Variants in MAP3K4 observed in about 807,000 individuals in gnomAD.
MAP3K4 encodes mitogen-activated protein kinase kinase kinase 4, also known as MAP three kinase 1.
In MAP3K4, 67 loss-of-function variants were observed where a neutral mutation model predicts 185.6. The observed-to-expected ratio is 0.36, with a 90% CI of 0.30 to 0.44. The LOEUF (loss-of-function observed/expected upper bound fraction) is 0.44. MAP3K4 is among the 20% of genes least tolerant of loss of function. The probability of loss-of-function intolerance (pLI) is 1.00; values close to 1 mark genes in which losing one functional copy is unlikely to be tolerated. For synonymous variants in MAP3K4, 702 were observed against 710.4 expected (o/e 0.99, Z 0.19); for missense variants, 1,551 against 1,995.1 (o/e 0.78, Z 4.24).
intron 7 of MAP3K4, among the ~76,000 whole-genome samples, chr6:161,085,751 C>T (rs1785678744): frequency 6.6e-6 from 1 of 152,130 alleles, no homozygotes; most frequent in African/African-American, 2.4e-5. Context: ...TAACCCCAAG[C>T]ATGTAGATTC....
chr6:161,050,009 A>G, intron 3 of MAP3K4, 30 bp downstream of exon 3: 1 of 1,547,124 alleles, frequency 6.5e-7, no homozygotes. Flanking sequence ...TAATACAATG[A>G]TATCCTTAGT....
rs34643348 is a variant in MAP3K4, at chr6:161,076,934, G to A, written c.2097+3322G>A. ...GTAGAACCATGTGAACAAGACTACA[G>A]CTGAGAAAAATGCCCTCAGGAAAGG... On this transcript the variant is annotated intron_variant, in intron 5 of 26. Coordinates refer to ENST00000392142, the MANE Select transcript of MAP3K4 (RefSeq NM_005922.4). The surrounding 1 kb of genome is among the most constrained non-coding windows in gnomAD (Gnocchi z 4.2). Among the ~76,000 whole-genome samples, 2,481 of 152,314 alleles carry A rather than the reference G, an allele frequency of 0.016. 26 individuals carry two copies. Among genetic ancestry groups the A allele is most frequent in the Non-Finnish European group, 0.025 (1,721 of 68,026 alleles).
At position 161,079,967 on chromosome 6, in the gene MAP3K4, G is replaced by A. The variant is rs1785369723; in HGVS notation, c.2098-914G>A. Among the ~76,000 whole-genome samples the A allele has an allele frequency of 2.6e-5, 4 of 152,286 alleles. No individual in the cohort carries two copies. In the South Asian group the frequency reaches 8.3e-4, roughly 32 times the overall value. On this transcript the variant is annotated intron_variant, in intron 5 of 26. Transcript: ENST00000392142. ...GCCTGGTGAAAACACTGAAACCTAG[G>A]ATAGAGAAAGGAATCCTGTAAACAT... is the stretch of plus-strand genomic sequence containing the variant.
chr6:161,059,068 G>A (rs1047183104), intron 3 of MAP3K4, among the ~76,000 whole-genome samples: 16 of 152,040 alleles, frequency 1.1e-4, no homozygotes, highest in African/African-American at 3.9e-4. Flanking sequence ...ACTTAAAACA[G>A]TGCAGGAGAA....
At chr6:161,111,797 T>C (rs1455826634) in intron 23 of MAP3K4, 39 bp from the exon 24 acceptor site, 1 of 1,601,972 alleles carries the variant, frequency 6.2e-7, no homozygotes, top group Admixed American at 1.7e-5. Context: ...CCACATTGTG[T>C]TTCAGAGGCT....
Position 161,074,909 on chromosome 6 carries a change from C to T in MAP3K4, c.2097+1297C>T, listed in dbSNP as rs1293695295. Among the ~76,000 whole-genome samples the T allele has an allele frequency of 6.6e-6, 1 of 152,168 alleles. No homozygotes were observed. The highest frequency in any genetic ancestry group is 2.4e-5 in the African/African-American group (1 of 41,442). ...GCAATAGGAGCTCTCCTGGCAACCC[C>T]ACCCAGCACATTTCCCCTGCCTTTT... On this transcript the variant is annotated intron_variant, in intron 5 of 26. Coordinates refer to ENST00000392142, the MANE Select transcript of MAP3K4 (RefSeq NM_005922.4). This position sits in a 1 kb window ranked among gnomAD's most constrained non-coding sequence, Gnocchi z 5.0.
rs1785400060 is a variant in MAP3K4 at position 161,080,505 on chromosome 6, A to C, written c.2098-376A>C. ...CACATAAGGCACCATTTCAAGCTAA[A>C]GTAGGTCATTAAGTGAAGATCCTAA... On this transcript the variant is annotated intron_variant, in intron 5 of 26. Coordinates refer to ENST00000392142, the MANE Select transcript of MAP3K4 (RefSeq NM_005922.4). The surrounding 1 kb of genome is among the most constrained non-coding windows in gnomAD (Gnocchi z 4.8). Among the ~76,000 whole-genome samples the C allele has an allele frequency of 6.6e-6, 1 of 152,208 alleles. No homozygotes were observed. Among genetic ancestry groups the C allele is most frequent in the Non-Finnish European group, 1.5e-5 (1 of 68,032 alleles).
At position 161,070,927 on chromosome 6, in the gene MAP3K4, T is replaced by C; in HGVS notation, c.1950+77T>C. ...AGGCTTATCATTTTTATTTTGAGAGTTCCTTTTTTTTTCTTAATTGTCGCA... is the reference window on the plus strand; with the variant it reads ...AGGCTTATCATTTTTATTTTGAGAGCTCCTTTTTTTTTCTTAATTGTCGCA... On this transcript the variant is annotated intron_variant, in intron 4 of 26. Transcript: ENST00000392142. The surrounding 1 kb of genome is among the most constrained non-coding windows in gnomAD (Gnocchi z 4.5). 2 of 1,331,702 alleles carry C rather than the reference T, an allele frequency of 1.5e-6. No homozygotes were observed. The highest frequency in any genetic ancestry group is 1.0e-6 in the Non-Finnish European group (1 of 1,003,826). The allele number at this position is 1,331,702 out of a possible 1,614,324, so 82.5% of individuals were successfully genotyped here.
rs568845840 is a variant in MAP3K4 at position 161,097,284 on chromosome 6, G to T, written c.3524+108G>T. The T allele has an allele frequency of 1.6e-5, 14 of 888,894 alleles. No individual in the cohort carries two copies. The Admixed American group carries it at 2.2e-4, about 14-fold the overall frequency. The allele number at this position is 888,894 out of a possible 1,614,324, so 55.1% of individuals were successfully genotyped here. ...GCTCTGAGAGCTAAATACCTTTTCT[G>T]CATTGTTCGTACGTAAAAGCTCTTA... On this transcript the variant is annotated intron_variant, in intron 16 of 26. Transcript: ENST00000392142. This position sits in a 1 kb window ranked among gnomAD's most constrained non-coding sequence, Gnocchi z 4.9.
rs758235553 is a variant in MAP3K4, at chr6:161,048,631, C to T, written c.359C>T (p.Pro120Leu). 3 of 1,575,734 alleles carry T rather than the reference C, an allele frequency of 1.9e-6. No homozygotes were observed. The highest frequency in any genetic ancestry group is 2.6e-6 in the Non-Finnish European group (3 of 1,166,000). ...RSNLKEKMNA[P>L]NQPPHKDTGK... The stretch of plus-strand genomic sequence containing the variant: ...TTTTTAATAGAAAAAATGAATGCAC[C>T]AAATCAGCCTCCACATAAAGACACT... The change falls in exon 3 of 27, where the codon CCA becomes CTA. Residue 120 changes from proline (P) to leucine (L), a missense_variant. Physicochemically the swap from Pro to Leu is moderately conservative, Grantham distance 98. Coordinates refer to ENST00000392142, the MANE Select transcript of MAP3K4 (RefSeq NM_005922.4). This position sits in a 1 kb window ranked among gnomAD's most constrained non-coding sequence, Gnocchi z 4.7.
At position 161,084,027 on chromosome 6, in the gene MAP3K4, T is replaced by C. The variant is rs576564838; in HGVS notation, c.2256-474T>C. 5.9e-5 allele frequency among the ~76,000 whole-genome samples: 9 copies of C among 152,372 alleles called. No individual in the cohort carries two copies. The East Asian group carries it at 1.7e-3, about 29-fold the overall frequency. On this transcript the variant is annotated intron_variant, in intron 6 of 26. Transcript: ENST00000392142. The surrounding 1 kb of genome is among the most constrained non-coding windows in gnomAD (Gnocchi z 4.6). ...CATTTTATATACTGGGGTGTACATTTTAACACTAGTATTTAGAATTGTGTA... is the reference window on the plus strand; with the variant it reads ...CATTTTATATACTGGGGTGTACATTCTAACACTAGTATTTAGAATTGTGTA...
At chr6:161,066,183 A>G (rs902616429) in intron 3 of MAP3K4, among the ~76,000 whole-genome samples, 3 of 152,056 alleles carry the variant, frequency 2.0e-5, no homozygotes, top group African/African-American at 4.8e-5. Context: ...AGACTCTACC[A>G]TAACCATACT....
At position 161,063,672 on chromosome 6, in the gene MAP3K4, T is replaced by G. The variant is rs1784577740; in HGVS notation, c.1708-6936T>G. ...GAGCCGAGAATTCCTGGAAGGGAAT[T>G]TGGGGTACTAGTTTTAAGATATTAT... On this transcript the variant is annotated intron_variant, in intron 3 of 26. Coordinates refer to ENST00000392142, the MANE Select transcript of MAP3K4 (RefSeq NM_005922.4). This position sits in a 1 kb window ranked among gnomAD's most constrained non-coding sequence, Gnocchi z 5.4. 6.6e-6 allele frequency among the ~76,000 whole-genome samples: 1 copy of G among 152,134 alleles called. No homozygotes were observed. Among genetic ancestry groups the G allele is most frequent in the African/African-American group, 2.4e-5 (1 of 41,434 alleles).
Position 161,098,418 on chromosome 6 carries a change from A to G in MAP3K4, c.3665A>G (p.His1222Arg), listed in dbSNP as rs776806699. 95 of 1,613,310 alleles carry G rather than the reference A, an allele frequency of 5.9e-5. No homozygotes were observed. The highest frequency in any genetic ancestry group is 8.1e-5 in the Non-Finnish European group (95 of 1,179,714). The change falls in exon 17 of 27, where the codon CAT becomes CGT. Residue 1222 changes from histidine (H) to arginine (R), a missense_variant. Transcript: ENST00000392142. The surrounding 1 kb of genome is among the most constrained non-coding windows in gnomAD (Gnocchi z 4.4). ...SVLPKSISSA[H>R]DTRGSSVPEN... ...CTGCCCAAATCCATCAGCAGTGCCC[A>G]TGATACCAGGTAGTCTCACCCCACC... is the stretch of plus-strand genomic sequence containing the variant.
chr6:161,087,898 C>G lies in MAP3K4; in HGVS notation c.2767C>G (p.Gln923Glu), dbSNP rs368927573. The G allele has an allele frequency of 8.9e-5, 144 of 1,614,016 alleles. No homozygotes were observed. Among genetic ancestry groups the G allele is most frequent in the Non-Finnish European group, 7.5e-5 (89 of 1,180,024 alleles). ...GGACAGCTGGGGCACCTGGGAGGCA[C>G]AGCCTGTCAAAGTCGTGCCTCAGGT... is the stretch of plus-strand genomic sequence containing the variant. ...SEDSWGTWEA[Q>E]PVKVVPQVET... Residue 923 changes from glutamine (Q) to glutamate (E), a missense_variant, in exon 10 of 27, where the codon CAG becomes GAG. Around this residue, in one of 16 missense-constraint regions of MAP3K4, gnomAD observed 261 missense variants for 306.5 expected, o/e 0.85. Coordinates refer to ENST00000392142, the MANE Select transcript of MAP3K4 (RefSeq NM_005922.4). This position sits in a 1 kb window ranked among gnomAD's most constrained non-coding sequence, Gnocchi z 4.9.
intron 2 of MAP3K4, among the ~76,000 whole-genome samples, chr6:161,039,389 G>T (rs1204675120): frequency 6.6e-6 from 1 of 151,936 alleles, no homozygotes; most frequent in Non-Finnish European, 1.5e-5. Flanking sequence ...AGCAATACTG[G>T]CTTTTTAGCT....
At chr6:161,089,992 A>G (rs1785946454) in intron 11 of MAP3K4, among the ~76,000 whole-genome samples, 1 of 152,176 alleles carries the variant, frequency 6.6e-6, no homozygotes, top group South Asian at 2.1e-4. Context: ...TGTTTTTGAC[A>G]CTTTCTATTT....
Position 161,019,032 on chromosome 6 carries a change from G to C in MAP3K4, c.153-15227G>C, listed in dbSNP as rs142536941. Reference sequence around the variant, plus strand: ...GAACAAAGACTGGAAAAGTGTACCAGAATACCAGTGACATGTGGAATAGTG... The same window carrying C: ...GAACAAAGACTGGAAAAGTGTACCACAATACCAGTGACATGTGGAATAGTG... On this transcript the variant is annotated intron_variant, in intron 1 of 26. Transcript: ENST00000392142. Among the ~76,000 whole-genome samples, 5 of 152,316 alleles carry C rather than the reference G, an allele frequency of 3.3e-5. No individual in the cohort carries two copies. In the East Asian group the frequency reaches 9.6e-4, roughly 29 times the overall value.
chr6:161,080,836 C>G lies in MAP3K4; in HGVS notation c.2098-45C>G, dbSNP rs1785417943. 1 of 1,588,138 alleles carries G rather than the reference C, an allele frequency of 6.3e-7. No individual in the cohort carries two copies. The highest frequency in any genetic ancestry group is 8.6e-7 in the Non-Finnish European group (1 of 1,161,792). ...CTTTCAGGTGAGAGCGCTGAGTTGC[C>G]AAGTTCTACTTTCAAATGTCTCCCT... On this transcript the variant is annotated intron_variant, in intron 5 of 26. Coordinates refer to ENST00000392142, the MANE Select transcript of MAP3K4 (RefSeq NM_005922.4). This position sits in a 1 kb window ranked among gnomAD's most constrained non-coding sequence, Gnocchi z 4.8.
Sources: allele counts gnomAD v4.1 joint callset (sites outside exome capture counted in the v4.1 genomes callset), GRCh38; gene constraint gnomAD v4.1.1; regional missense constraint gnomAD v4.1.1; non-coding constraint Gnocchi (gnomAD v3.1); transcripts MANE v1.5; gene names NCBI Gene and HGNC (gene_info 2026-07-23, HGNC 2026-07-21).